TMC7: variants seen among roughly 807,000 people sequenced by gnomAD.
TMC7 encodes the protein transmembrane channel like 7, also known as transmembrane channel-like protein 7.
TMC7 carries 54 observed loss-of-function variants against 82.9 expected under a neutral mutation model. The observed-to-expected ratio is 0.65, with a 90% CI of 0.52 to 0.82. TMC7 has a LOEUF of 0.82. Among genes scored for constraint, TMC7 ranks in the 40% least tolerant of loss-of-function variants. The pLI, the probability that TMC7 is intolerant of heterozygous loss-of-function variation, is 0.00. For missense variants in TMC7, 820 were observed against 901.2 expected, an observed-to-expected ratio of 0.91 and a Z score of 1.15; for synonymous variants, 350 against 337.9, an observed-to-expected ratio of 1.04 and a Z score of -0.39.
intron 4 of TMC7, 107 bp from the exon 5 acceptor site, chr16:19,023,006 C>A: frequency 1.7e-6 from 1 of 602,366 alleles, no homozygotes. Flanking sequence ...GATGACAGAG[C>A]GAGACTCCAT....
At chr16:19,044,255 GA>G (rs1197593400) in intron 9 of TMC7, among the ~76,000 whole-genome samples, 1 of 152,052 alleles carries the variant, frequency 6.6e-6, no homozygotes, top group Non-Finnish European at 1.5e-5. Context: ...CTGCAGCCTT[GA>G]TCTCCTGGGC....
chr16:18,991,226 C>G (rs1300889371), intron 1 of TMC7, among the ~76,000 whole-genome samples: 3 of 152,040 alleles, frequency 2.0e-5, no homozygotes, highest in Non-Finnish European at 2.9e-5. Flanking sequence ...TGGTGATGGC[C>G]TGGATATGGT....
At position 19,006,097 on chromosome 16, in the gene TMC7, G is replaced by A. The variant is rs151298760; in HGVS notation, c.68-3075G>A. Among the ~76,000 whole-genome samples, 406 of 152,224 alleles carry A rather than the reference G, an allele frequency of 2.7e-3. 1 individual carries two copies. Among genetic ancestry groups the A allele is most frequent in the African/African-American group, 9.1e-3 (380 of 41,536 alleles). On this transcript the variant is annotated intron_variant, in intron 1 of 15. Transcript: ENST00000304381. ...GCCTTTATGGAGCTCTGTGTGTGCC[G>A]AGCACTGCCTGGGACCTTCTACCCA...
chr16:19,012,867 T>G (rs991852848), intron 2 of TMC7, among the ~76,000 whole-genome samples: 1 of 151,660 alleles, frequency 6.6e-6, no homozygotes, highest in African/African-American at 2.4e-5. Context: ...TCATTCTTTT[T>G]TTTTTGAGAC....
At chr16:18,997,382 T>G (rs983410783) in intron 1 of TMC7, among the ~76,000 whole-genome samples, 1 of 152,010 alleles carries the variant, frequency 6.6e-6, no homozygotes, top group East Asian at 1.9e-4. Flanking sequence ...GGCCTTTTTA[T>G]TTTTTGAGAC....
chr16:18,994,891 C>A (rs985448930), intron 1 of TMC7, among the ~76,000 whole-genome samples: 2 of 151,882 alleles, frequency 1.3e-5, no homozygotes, highest in Non-Finnish European at 2.9e-5. Flanking sequence ...TGGCATTGAG[C>A]GGGGTAAGGG....
At chr16:19,045,474 C>A (rs750631463) in intron 11 of TMC7, 36 bp downstream of exon 11, 6 of 1,281,550 alleles carry the variant, frequency 4.7e-6, no homozygotes, top group African/African-American at 1.4e-5. Context: ...TCCCCCCCAC[C>A]ACACACATGC....
chr16:19,030,289 C>A lies in TMC7; in HGVS notation c.777C>A (p.Asn259Lys). 6.2e-7 allele frequency: 1 copy of A among 1,613,554 alleles called. No individual in the cohort carries two copies. The highest frequency in any genetic ancestry group is 8.5e-7 in the Non-Finnish European group (1 of 1,179,752). ...HYTIDGVKFQ[N>K]FTYDLPLAYL... ...CCATTGATGGGGTGAAATTTCAGAA[C>A]TTCACCTATGATCTGCCCCTGGCGT... Residue 259 changes from asparagine to lysine, a missense_variant, in exon 6 of 16, where the codon AAC (asparagine) becomes AAA (lysine). This residue lies in a region of TMC7 where 650 missense variants were observed against 669.9 expected (regional missense o/e 0.97). Transcript: ENST00000304381.
intron 13 of TMC7, among the ~76,000 whole-genome samples, chr16:19,053,203 A>G (rs1961616377): frequency 6.6e-6 from 1 of 152,092 alleles, no homozygotes; most frequent in Non-Finnish European, 1.5e-5. Flanking sequence ...ACATTTTCTT[A>G]TGAATACTTC....
intron 12 of TMC7, among the ~76,000 whole-genome samples, chr16:19,050,643 C>CA (rs1272770967): frequency 6.6e-6 from 1 of 151,992 alleles, no homozygotes; most frequent in Non-Finnish European, 1.5e-5. Context: ...TGCACACCAC[C>CA]ATGGCTGGCT....
At chr16:19,013,860 T>TC in intron 2 of TMC7, among the ~76,000 whole-genome samples, 1 of 143,858 alleles carries the variant, frequency 7.0e-6, no homozygotes, top group East Asian at 2.1e-4. Context: ...GCTTTTTTTT[T>TC]TTTTTTTTTT....
At chr16:18,993,675 T>C (rs986451111) in intron 1 of TMC7, among the ~76,000 whole-genome samples, 2 of 152,228 alleles carry the variant, frequency 1.3e-5, no homozygotes, top group East Asian at 1.9e-4. Flanking sequence ...CTTTGAGAAG[T>C]TTTTATTAGA....
chr16:19,048,868 A>T (rs1468997928), intron 12 of TMC7, among the ~76,000 whole-genome samples: 2 of 152,196 alleles, frequency 1.3e-5, no homozygotes, highest in Non-Finnish European at 2.9e-5. Context: ...GGCCCTGAGG[A>T]TTCAAAATTG....
chr16:19,058,971 G>A (rs1567532795), intron 14 of TMC7, among the ~76,000 whole-genome samples: 4 of 152,108 alleles, frequency 2.6e-5, no homozygotes, highest in Admixed American at 1.3e-4. Flanking sequence ...TTTGCCTCTT[G>A]GGTTCAAGGG....
intron 12 of TMC7, among the ~76,000 whole-genome samples, chr16:19,047,723 T>C (rs2142291656): frequency 7.0e-6 from 1 of 143,540 alleles, no homozygotes; most frequent in South Asian, 2.2e-4. Flanking sequence ...ATTTTTTTTT[T>C]TTTTTTTGAG....
At chr16:18,991,226 C>T (rs1300889371) in intron 1 of TMC7, among the ~76,000 whole-genome samples, 1 of 152,040 alleles carries the variant, frequency 6.6e-6, no homozygotes. Context: ...TGGTGATGGC[C>T]TGGATATGGT....
In TMC7 at chr16:19,045,332, T is replaced by C. The variant is rs765855040; in HGVS notation, c.1456-9T>C. On this transcript the variant is annotated splice_polypyrimidine_tract_variant and intron_variant, in intron 10 of 15. Coordinates refer to ENST00000304381, the MANE Select transcript of TMC7 (RefSeq NM_024847.4). ...GTCTTTCAGTTTCCCTCACTCTCTTTGATTTCAGTGCTGGGAGACCCAAGT... is the reference window on the plus strand; with the variant it reads ...GTCTTTCAGTTTCCCTCACTCTCTTCGATTTCAGTGCTGGGAGACCCAAGT... 6.2e-7 allele frequency: 1 copy of C among 1,611,744 alleles called. No homozygotes were observed. Among genetic ancestry groups the C allele is most frequent in the South Asian group, 1.1e-5 (1 of 91,046 alleles).
intron 1 of TMC7, among the ~76,000 whole-genome samples, chr16:18,990,398 A>C (rs1211956858): frequency 6.6e-6 from 1 of 152,090 alleles, no homozygotes; most frequent in Non-Finnish European, 1.5e-5. Context: ...GCGTTCAAGC[A>C]ATTTTTGTGC....
chr16:18,984,586 G>C, intron 1 of TMC7: 1 of 957,360 alleles, frequency 1.0e-6, no homozygotes, highest in Non-Finnish European at 1.2e-6. Context: ...CCTTTGGTAA[G>C]TGGCTTGCCT....
Sources: allele counts gnomAD v4.1 joint callset (sites outside exome capture counted in the v4.1 genomes callset), GRCh38; gene constraint gnomAD v4.1.1; regional missense constraint gnomAD v4.1.1; transcripts MANE v1.5; gene names NCBI Gene and HGNC (gene_info 2026-07-23, HGNC 2026-07-21).